The following CWF19L2 variants were observed in gnomAD, a reference collection of about 807,000 sequenced individuals.
The protein encoded by CWF19L2 is CWF19 like cell cycle control factor 2, also known as CWF19-like protein 2.
A neutral mutation model predicts 111.7 loss-of-function variants in CWF19L2; 98 were observed. The observed-to-expected ratio is 0.88, with a 90% CI of 0.75 to 1.04. The LOEUF is 1.04. Among genes scored for constraint, CWF19L2 ranks in the 50% least tolerant of loss-of-function variants. The pLI is 0.00. For missense variants in CWF19L2, 1,101 were observed against 1,051.4 expected (o/e 1.05, Z -0.65); for synonymous variants, 351 against 342.9 (o/e 1.02, Z -0.26).
At chr11:107,421,991 T>C (rs369039127) in intron 8 of CWF19L2, among the ~76,000 whole-genome samples, 5 of 151,934 alleles carry the variant, frequency 3.3e-5, no homozygotes, top group African/African-American at 7.3e-5. Context: ...GAAAAACAAA[T>C]TGTGATGTAC....
intron 12 of CWF19L2, among the ~76,000 whole-genome samples, chr11:107,359,452 C>T (rs1860289896): frequency 6.6e-6 from 1 of 152,148 alleles, no homozygotes; most frequent in Non-Finnish European, 1.5e-5. Context: ...AGTATATGCT[C>T]TAAGTCAGCA....
chr11:107,420,296 C>T lies in CWF19L2; in HGVS notation c.1434-2009G>A, dbSNP rs74808457. Reference sequence around the variant, plus strand: ...AATGTTCTATAAATACACAGACATACGTATGTTAAACATAAAAGGATAGAA... The same window carrying T: ...AATGTTCTATAAATACACAGACATATGTATGTTAAACATAAAAGGATAGAA... On this transcript the variant is annotated intron_variant, in intron 8 of 17. Transcript: ENST00000282251. Among the ~76,000 whole-genome samples, 1,754 of 152,006 alleles carry T rather than the reference C, an allele frequency of 0.012. 63 individuals carry two copies. In the East Asian group the frequency reaches 0.13, roughly 12 times the overall value.
chr11:107,443,116 G>A, intron 3 of CWF19L2, 67 bp from the exon 4 acceptor site: 3 of 1,056,784 alleles, frequency 2.8e-6, no homozygotes, highest in East Asian at 2.6e-5. Context: ...ATTCTGTGCT[G>A]TTAAGTGGTA....
intron 11 of CWF19L2, among the ~76,000 whole-genome samples, chr11:107,391,373 C>A (rs933219397): frequency 1.3e-5 from 2 of 152,176 alleles, no homozygotes; most frequent in Non-Finnish European, 2.9e-5. Flanking sequence ...AACCCGTAAG[C>A]GTGCCCTCAT....
chr11:107,402,636 T>C (rs899293002), intron 10 of CWF19L2, among the ~76,000 whole-genome samples: 1 of 151,858 alleles, frequency 6.6e-6, no homozygotes, highest in Non-Finnish European at 1.5e-5. Flanking sequence ...CTAGTGGGAA[T>C]GTAAACTAGT....
intron 12 of CWF19L2, among the ~76,000 whole-genome samples, chr11:107,368,408 T>C (rs1440645716): frequency 5.1e-5 from 7 of 137,952 alleles, no homozygotes; most frequent in African/African-American, 8.6e-5. Context: ...TTCTTCCCTA[T>C]CTAACTCTTC....
rs529719855 is a variant in CWF19L2, at chr11:107,331,770, C to T, written c.2440-1751G>A. Among the ~76,000 whole-genome samples, 8 of 152,308 alleles carry T rather than the reference C, an allele frequency of 5.3e-5. No individual in the cohort carries two copies. The South Asian group carries it at 6.2e-4, about 12-fold the overall frequency. On this transcript the variant is annotated intron_variant, in intron 16 of 17. Coordinates refer to ENST00000282251, the MANE Select transcript of CWF19L2 (RefSeq NM_152434.3). ...ACAACCTATGGCATATTTGCCAAGA[C>T]GGCACAATGAACACACTACTACTTT...
chr11:107,330,641 C>A (rs1166896923), intron 16 of CWF19L2, among the ~76,000 whole-genome samples: 1 of 119,310 alleles, frequency 8.4e-6, no homozygotes, highest in African/African-American at 3.4e-5. Context: ...CACACCCCCC[C>A]CACCACACAC....
At chr11:107,381,390 T>G (rs927235520) in intron 12 of CWF19L2, among the ~76,000 whole-genome samples, 1 of 152,202 alleles carries the variant, frequency 6.6e-6, no homozygotes, top group Admixed American at 6.5e-5. Context: ...CAGCCTGAAC[T>G]GGATTCAAGC....
chr11:107,336,499 T>C (rs561455323), intron 15 of CWF19L2, 59 bp downstream of exon 15: 4 of 1,304,408 alleles, frequency 3.1e-6, no homozygotes, highest in South Asian at 1.3e-5. Flanking sequence ...GACAACAATA[T>C]TTGTAAAATA....
Position 107,329,917 on chromosome 11 carries a change from C to T in CWF19L2, c.2541+1G>A. 1 of 1,554,886 alleles carries T rather than the reference C, an allele frequency of 6.4e-7. No individual in the cohort carries two copies. The highest frequency in any genetic ancestry group is 8.7e-7 in the Non-Finnish European group (1 of 1,153,710). On this transcript the variant is annotated splice_donor_variant, in intron 17 of 17. Coordinates refer to ENST00000282251, the MANE Select transcript of CWF19L2 (RefSeq NM_152434.3). LOFTEE classifies it high-confidence loss of function. ...GGATTTTATCAAATTTGTAAGCCTA[C>T]CTTTCCAAAGTAATGAGGGAATTTG...
At chr11:107,451,105 T>A (rs116273292) in intron 3 of CWF19L2, among the ~76,000 whole-genome samples, 6 of 151,944 alleles carry the variant, frequency 3.9e-5, no homozygotes, top group African/African-American at 1.5e-4. Flanking sequence ...GAAAATAAAA[T>A]GTCTCAAAAA....
At chr11:107,419,561 G>C (rs1861275778) in intron 8 of CWF19L2, among the ~76,000 whole-genome samples, 1 of 152,096 alleles carries the variant, frequency 6.6e-6, no homozygotes, top group South Asian at 2.1e-4. Flanking sequence ...GATACTAAAA[G>C]TGATTATTAT....
intron 14 of CWF19L2, among the ~76,000 whole-genome samples, chr11:107,339,076 G>A (rs1339627756): frequency 6.6e-6 from 1 of 152,132 alleles, no homozygotes; most frequent in Non-Finnish European, 1.5e-5. Flanking sequence ...ACCAGCATCT[G>A]TTGTTTTTTG....
In CWF19L2 at chr11:107,454,483, A is replaced by G; in HGVS notation, c.306T>C (p.Tyr102=). Residue 102 remains tyrosine (Y), a synonymous_variant, in exon 3 of 18, where the codon TAT becomes TAC. Coordinates refer to ENST00000282251, the MANE Select transcript of CWF19L2 (RefSeq NM_152434.3). Reference sequence around the variant, plus strand: ...TATCAGATGACTCATTGTTTTTTTCATATTTCTGTTTCTTGCTCTTTTTTT... The same window carrying G: ...TATCAGATGACTCATTGTTTTTTTCGTATTTCTGTTTCTTGCTCTTTTTTT... The part of the protein sequence containing the change: ...EKKKKSKKQK[Y]EKNNESSDSS... 6.9e-7 allele frequency: 1 copy of G among 1,456,868 alleles called. No homozygotes were observed. The highest frequency in any genetic ancestry group is 2.9e-5 in the Admixed American group (1 of 34,496). 90.2% of individuals were successfully genotyped at this position (1,456,868 alleles called of 1,614,324 possible).
intron 3 of CWF19L2, among the ~76,000 whole-genome samples, chr11:107,448,274 G>C (rs2135427068): frequency 6.7e-6 from 1 of 149,984 alleles, no homozygotes; most frequent in South Asian, 2.1e-4. Context: ...CAACCCAGGA[G>C]GCGGAGGTTG....
At chr11:107,423,379 T>C (rs1420611875) in intron 8 of CWF19L2, among the ~76,000 whole-genome samples, 1 of 152,002 alleles carries the variant, frequency 6.6e-6, no homozygotes, top group African/African-American at 2.4e-5. Flanking sequence ...TACATGTATG[T>C]ATAACACAAA....
intron 16 of CWF19L2, among the ~76,000 whole-genome samples, chr11:107,331,615 A>G (rs987182823): frequency 2.0e-5 from 3 of 152,228 alleles, no homozygotes; most frequent in African/African-American, 7.2e-5. Context: ...CCTTGATTTT[A>G]GCCAAAAGAA....
intron 14 of CWF19L2, among the ~76,000 whole-genome samples, chr11:107,339,969 A>G (rs1255433812): frequency 6.6e-6 from 1 of 152,014 alleles, no homozygotes; most frequent in Non-Finnish European, 1.5e-5. Flanking sequence ...CGCTCAGCCA[A>G]TTTCCTAATT....
Sources: allele counts gnomAD v4.1 joint callset (sites outside exome capture counted in the v4.1 genomes callset), GRCh38; gene constraint gnomAD v4.1.1; transcripts MANE v1.5; gene names NCBI Gene and HGNC (gene_info 2026-07-23, HGNC 2026-07-21).